The following KNTC1 variants were observed in gnomAD, a reference collection of about 807,000 sequenced individuals.
KNTC1 encodes kinetochore associated 1, also known as kinetochore-associated protein 1.
Under a neutral mutation model 314.4 loss-of-function variants are expected in KNTC1, and 253 were observed. That is an observed-to-expected ratio of 0.80 (90% CI 0.73 to 0.89). The LOEUF (loss-of-function observed/expected upper bound fraction) is 0.89, where lower values mean the gene tolerates loss of function less well. KNTC1 is among the 40% of genes least tolerant of loss of function. The pLI, the probability that KNTC1 is intolerant of heterozygous loss-of-function variation, is 0.00. For synonymous variants in KNTC1, 901 were observed against 901.4 expected, an observed-to-expected ratio of 1.00 and a Z score of 0.01; for missense variants, 2,475 against 2,572.9, an observed-to-expected ratio of 0.96 and a Z score of 0.82.
chr12:122,532,958 G>A (rs1480617745), intron 2 of KNTC1, among the ~76,000 whole-genome samples: 3 of 152,140 alleles, frequency 2.0e-5, no homozygotes, highest in Non-Finnish European at 4.4e-5. Context: ...ATGTCCTGTA[G>A]TCCCAGCTAC....
chr12:122,623,035 C>G, intron 62 of KNTC1, among the ~76,000 whole-genome samples: 1 of 152,230 alleles, frequency 6.6e-6, no homozygotes, highest in South Asian at 2.1e-4. Flanking sequence ...AATATTACAT[C>G]TCTCATTACT....
chr12:122,622,526 A>G lies in KNTC1; in HGVS notation c.6434A>G (p.Lys2145Arg), dbSNP rs771666485. The G allele has an allele frequency of 5.7e-6, 9 of 1,578,996 alleles. No homozygotes were observed. The highest frequency in any genetic ancestry group is 1.3e-5 in the African/African-American group (1 of 74,370). ...KKEFGILAKT[K>R]YFQMLKMHAM... Reference sequence around the variant, plus strand: ...GAGTTTGGGATTTTGGCAAAGACCAAATACTTTCAAATGTTGAAGATGCAT... The same window carrying G: ...GAGTTTGGGATTTTGGCAAAGACCAGATACTTTCAAATGTTGAAGATGCAT... Residue 2145 changes from lysine (K) to arginine (R), a missense_variant, in exon 62 of 64, where the codon AAA becomes AGA. By Grantham distance (26) the Lys-to-Arg change is conservative. Coordinates refer to ENST00000333479, the MANE Select transcript of KNTC1 (RefSeq NM_014708.6).
chr12:122,562,590 C>A, intron 19 of KNTC1, 48 bp from the exon 20 acceptor site: 1 of 1,096,454 alleles, frequency 9.1e-7, no homozygotes, highest in Non-Finnish European at 1.4e-6. Flanking sequence ...GTTTTAATTT[C>A]AATATTGTTG....
Position 122,610,885 on chromosome 12 carries a change from A to G in KNTC1, c.5607A>G (p.Ala1869=). The change falls in exon 53 of 64, where the codon GCA becomes GCG. Residue 1869 remains alanine, a synonymous_variant. Transcript: ENST00000333479. ...DYSSRMLFVF[A]TSTTTTLGMH... is the part of the protein sequence containing the mutation. Reference sequence around the variant, plus strand: ...GTTCAAGAATGCTGTTTGTATTTGCAACATCAACTACAACCGTAAGCTCTA... The same window carrying G: ...GTTCAAGAATGCTGTTTGTATTTGCGACATCAACTACAACCGTAAGCTCTA... 3 of 1,611,148 alleles carry G rather than the reference A, an allele frequency of 1.9e-6. No individual in the cohort carries two copies. The highest frequency in any genetic ancestry group is 1.7e-6 in the Non-Finnish European group (2 of 1,177,430).
chr12:122,533,368 G>A (rs1961531589), intron 2 of KNTC1, among the ~76,000 whole-genome samples: 1 of 152,100 alleles, frequency 6.6e-6, no homozygotes, highest in South Asian at 2.1e-4. Flanking sequence ...GTGCCTTCAT[G>A]TAACCTTTTA....
At chr12:122,582,557 C>A in intron 33 of KNTC1, 148 bp from the exon 34 acceptor site, 2 of 690,468 alleles carry the variant, frequency 2.9e-6, no homozygotes, top group Non-Finnish European at 4.7e-6. Flanking sequence ...CTCAGCATCA[C>A]ACAATATACC....
At chr12:122,561,806 C>G (rs1963993902) in intron 18 of KNTC1, 115 bp from the exon 19 acceptor site, 3 of 757,324 alleles carry the variant, frequency 4.0e-6, no homozygotes, top group Admixed American at 5.6e-5. Context: ...CTATTCATTT[C>G]ACACTTAAAT....
At position 122,544,192 on chromosome 12, in the gene KNTC1, A is replaced by G. The variant is rs61751320; in HGVS notation, c.592A>G (p.Thr198Ala). 6.5e-4 allele frequency: 1,027 copies of G among 1,577,790 alleles called. 5 individuals are homozygous for G. The East Asian group carries it at 0.017, about 27-fold the overall frequency. Residue 198 changes from threonine to alanine, a missense_variant, in exon 8 of 64, where the codon ACT becomes GCT. By Grantham distance (58) the Thr-to-Ala change is moderately conservative. Coordinates refer to ENST00000333479, the MANE Select transcript of KNTC1 (RefSeq NM_014708.6). The part of the protein sequence containing the change: ...QGQIKSSFIS[T>A]ENYHTLGCLS... Reference sequence around the variant, plus strand: ...ACAAATCAAGTCCAGTTTTATTTCTACTGAAAATTATCATACTCTTGGTTG... The same window carrying G: ...ACAAATCAAGTCCAGTTTTATTTCTGCTGAAAATTATCATACTCTTGGTTG...
intron 42 of KNTC1, 162 bp from the exon 43 acceptor site, chr12:122,594,114 C>T (rs193091666): frequency 4.9e-5 from 29 of 587,980 alleles, no homozygotes; most frequent in Non-Finnish European, 8.4e-5. Context: ...CCTCAAATCT[C>T]AGAATGATGG....
chr12:122,555,369 T>C (rs911574698), intron 16 of KNTC1, among the ~76,000 whole-genome samples: 2 of 152,116 alleles, frequency 1.3e-5, no homozygotes, highest in African/African-American at 4.8e-5. Context: ...CTGGCCCACA[T>C]AGCAAAACGC....
intron 20 of KNTC1, among the ~76,000 whole-genome samples, chr12:122,565,847 T>C (rs1192202943): frequency 6.6e-6 from 1 of 152,084 alleles, no homozygotes; most frequent in African/African-American, 2.4e-5. Context: ...ATTGTGCCAC[T>C]GCACTCCAGC....
At chr12:122,583,227 C>T (rs1391348116) in intron 34 of KNTC1, among the ~76,000 whole-genome samples, 1 of 150,882 alleles carries the variant, frequency 6.6e-6, no homozygotes, top group African/African-American at 2.4e-5. Flanking sequence ...AGGATCGTGG[C>T]GGGTTGCAGT....
chr12:122,538,432 CA>C lies in KNTC1; in HGVS notation c.348del (p.Lys116AsnfsTer55). ...SGNLHLIHVT[S>X]KQTLLTNAFV... ...AACCTACATCTTATTCATGTAACAT[CA>C]AAACAAACACTACTCACTAATGTAA... On this transcript the variant is annotated frameshift_variant, in exon 4 of 64. Transcript: ENST00000333479. LOFTEE classifies it high-confidence loss of function. 3 of 1,580,650 alleles carry C rather than the reference CA, an allele frequency of 1.9e-6. No individual in the cohort carries two copies. The highest frequency in any genetic ancestry group is 1.2e-5 in the South Asian group (1 of 86,830).
chr12:122,554,223 G>GC (rs1963423347), intron 16 of KNTC1, among the ~76,000 whole-genome samples: 1 of 149,810 alleles, frequency 6.7e-6, no homozygotes, highest in Non-Finnish European at 1.5e-5. Flanking sequence ...GAGCCACCAT[G>GC]CCTGGCCGAA....
chr12:122,574,252 T>A (rs1722793698), intron 26 of KNTC1, 30 bp from the exon 27 acceptor site: 2 of 1,347,706 alleles, frequency 1.5e-6, no homozygotes, highest in Non-Finnish European at 2.1e-6. Flanking sequence ...TTTTAATTTT[T>A]AAAAAACATA....
intron 35 of KNTC1, 128 bp from the exon 36 acceptor site, chr12:122,584,765 T>C: frequency 1.7e-6 from 1 of 595,636 alleles, no homozygotes; most frequent in Non-Finnish European, 2.9e-6. Context: ...TAGTCAAAGC[T>C]ATATGGAACC....
At chr12:122,579,839 A>T in intron 31 of KNTC1, 66 bp from the exon 32 acceptor site, 1 of 1,047,910 alleles carries the variant, frequency 9.5e-7, no homozygotes, top group Admixed American at 2.1e-5. Context: ...GTGTATTTGT[A>T]TATGTACTAC....
chr12:122,531,407 A>C (rs1961311602), intron 2 of KNTC1, among the ~76,000 whole-genome samples: 1 of 152,280 alleles, frequency 6.6e-6, no homozygotes, highest in Non-Finnish European at 1.5e-5. Context: ...GGGGTTGCCC[A>C]GGCTGGTCTT....
At chr12:122,565,662 G>A (rs1046695286) in intron 20 of KNTC1, among the ~76,000 whole-genome samples, 1 of 151,960 alleles carries the variant, frequency 6.6e-6, no homozygotes, top group African/African-American at 2.4e-5. Context: ...TGAGGTAGGC[G>A]GATCGCTTCC....
Sources: allele counts gnomAD v4.1 joint callset (sites outside exome capture counted in the v4.1 genomes callset), GRCh38; gene constraint gnomAD v4.1.1; transcripts MANE v1.5; gene names NCBI Gene and HGNC (gene_info 2026-07-23, HGNC 2026-07-21).